Variants in KLHL20 observed in about 807,000 individuals in gnomAD.
KLHL20 encodes the protein kelch-like protein 20.
Under a neutral mutation model 69.5 loss-of-function variants are expected in KLHL20, and 29 were observed. The ratio of observed to expected loss-of-function variants is 0.42; its 90% confidence interval spans 0.31 to 0.57. The LOEUF is 0.57. Ranked by LOEUF, KLHL20 falls within the 20% of genes least tolerant of loss-of-function variation. The probability of loss-of-function intolerance (pLI) is 0.18; values close to 1 mark genes in which losing one functional copy is unlikely to be tolerated. For missense variants in KLHL20, 419 were observed against 776.0 expected (o/e 0.54, Z 5.47); for synonymous variants, 253 against 265.2 (o/e 0.95, Z 0.45).
intron 3 of KLHL20, chr1:173,734,620 A>G (rs1672440841): frequency 4.0e-6 from 1 of 251,072 alleles, no homozygotes; most frequent in African/African-American, 2.3e-5. Flanking sequence ...TTTATATAAG[A>G]TATTTCCTTC....
intron 10 of KLHL20, among the ~76,000 whole-genome samples, chr1:173,777,366 T>A (rs937632238): frequency 6.6e-6 from 1 of 152,224 alleles, no homozygotes; most frequent in Non-Finnish European, 1.5e-5. Context: ...AGAAGGATAA[T>A]TTGACTTCTT....
chr1:173,754,773 T>C (rs1468185030), intron 5 of KLHL20, among the ~76,000 whole-genome samples: 2 of 152,212 alleles, frequency 1.3e-5, no homozygotes, highest in African/African-American at 4.8e-5. Flanking sequence ...AAAGTACTTA[T>C]GAAGTCATAT....
chr1:173,776,169 A>G (rs1335999539), intron 10 of KLHL20, among the ~76,000 whole-genome samples: 2 of 152,010 alleles, frequency 1.3e-5, no homozygotes, highest in South Asian at 2.1e-4. Flanking sequence ...TTTCATTTCC[A>G]TTTCTCTAAT....
Position 173,767,053 on chromosome 1 carries a change from A to C in KLHL20, c.1295+764A>C, listed in dbSNP as rs940186511. On this transcript the variant is annotated intron_variant, in intron 8 of 11. Coordinates refer to ENST00000209884, the MANE Select transcript of KLHL20 (RefSeq NM_014458.4). ...TGTACTCATTTACCAAGATTTCCTC[A>C]CTGCCCCTCACCTTGCCAGCCCCTG... Among the ~76,000 whole-genome samples, 17 of 152,084 alleles carry C rather than the reference A, an allele frequency of 1.1e-4. 1 individual carries two copies. Among genetic ancestry groups the C allele is most frequent in the Admixed American group, 8.5e-4 (13 of 15,264 alleles).
intron 3 of KLHL20, among the ~76,000 whole-genome samples, chr1:173,746,476 A>G (rs1237176908): frequency 6.6e-6 from 1 of 152,124 alleles, no homozygotes; most frequent in African/African-American, 2.4e-5. Flanking sequence ...TCAGGCATCA[A>G]TTTGGGTAAA....
chr1:173,780,820 C>T (rs1648815335), intron 10 of KLHL20, among the ~76,000 whole-genome samples: 1 of 151,956 alleles, frequency 6.6e-6, no homozygotes, highest in Non-Finnish European at 1.5e-5. Flanking sequence ...ACCTCCACCT[C>T]CCGGGCTCAA....
At chr1:173,772,658 T>C (rs1648171346) in intron 8 of KLHL20, among the ~76,000 whole-genome samples, 2 of 152,180 alleles carry the variant, frequency 1.3e-5, no homozygotes, top group African/African-American at 4.8e-5. Flanking sequence ...ATTATCCCAA[T>C]AAAAGAAAAT....
intron 5 of KLHL20, 101 bp downstream of exon 5, chr1:173,753,408 C>A: frequency 1.2e-6 from 1 of 848,126 alleles, no homozygotes; most frequent in Non-Finnish European, 1.9e-6. Context: ...TTTTGCAGAG[C>A]TGAAACCAGG....
intron 3 of KLHL20, among the ~76,000 whole-genome samples, chr1:173,750,567 CCT>C (rs1189098706): frequency 6.6e-6 from 1 of 151,112 alleles, no homozygotes; most frequent in Admixed American, 6.6e-5. Flanking sequence ...CTTACTGCAA[CCT>C]CTGTCTCCCG....
At chr1:173,784,116 C>T (rs1649057244) in intron 11 of KLHL20, among the ~76,000 whole-genome samples, 1 of 152,048 alleles carries the variant, frequency 6.6e-6, no homozygotes, top group Non-Finnish European at 1.5e-5. Flanking sequence ...CCTTGCCCTG[C>T]TGGAGCTAAC....
chr1:173,727,118 G>T (rs1468755735), intron 2 of KLHL20, among the ~76,000 whole-genome samples: 1 of 151,806 alleles, frequency 6.6e-6, no homozygotes, highest in Non-Finnish European at 1.5e-5. Flanking sequence ...CTCAGTAGCT[G>T]ATTCAATCAA....
intron 8 of KLHL20, among the ~76,000 whole-genome samples, chr1:173,767,746 C>T (rs1647819944): frequency 6.6e-6 from 1 of 152,050 alleles, no homozygotes; most frequent in Non-Finnish European, 1.5e-5. Context: ...TGTTTTCTTG[C>T]TGTTGAATTG....
intron 2 of KLHL20, among the ~76,000 whole-genome samples, chr1:173,723,353 G>A (rs1338750324): frequency 1.3e-5 from 2 of 152,154 alleles, no homozygotes; most frequent in African/African-American, 2.4e-5. Flanking sequence ...TTATGTTTTA[G>A]TCTTTAAAAT....
At chr1:173,739,063 GA>G (rs1323226136) in intron 3 of KLHL20, among the ~76,000 whole-genome samples, 1 of 152,042 alleles carries the variant, frequency 6.6e-6, no homozygotes, top group Non-Finnish European at 1.5e-5. Context: ...GTGTCCATAG[GA>G]TTGGTACCAA....
intron 8 of KLHL20, among the ~76,000 whole-genome samples, chr1:173,767,464 A>G (rs1647804668): frequency 6.6e-6 from 1 of 152,140 alleles, no homozygotes; most frequent in South Asian, 2.1e-4. Context: ...GAACCTCCAT[A>G]CTGTTTTCCG....
intron 5 of KLHL20, among the ~76,000 whole-genome samples, chr1:173,755,034 G>A (rs1673478426): frequency 6.6e-6 from 1 of 151,194 alleles, no homozygotes; most frequent in Non-Finnish European, 1.5e-5. Context: ...GACCTAACAA[G>A]CTATTAGGAG....
At chr1:173,754,045 A>G (rs1673426550) in intron 5 of KLHL20, among the ~76,000 whole-genome samples, 1 of 149,432 alleles carries the variant, frequency 6.7e-6, no homozygotes, top group East Asian at 1.9e-4. Flanking sequence ...TGTAAACTAC[A>G]CTGACCTTTG....
chr1:173,770,115 A>C (rs978789011), intron 8 of KLHL20, among the ~76,000 whole-genome samples: 1 of 152,184 alleles, frequency 6.6e-6, no homozygotes, highest in Non-Finnish European at 1.5e-5. Flanking sequence ...AGAGAGAATA[A>C]GCAGCAGAAT....
chr1:173,766,375 T>A, intron 8 of KLHL20, 86 bp downstream of exon 8: 1 of 1,271,662 alleles, frequency 7.9e-7, no homozygotes, highest in Non-Finnish European at 1.1e-6. Context: ...TTGGGCGTGG[T>A]GGCTCACACC....
Sources: gnomAD v4.1 joint callset for allele counts (sites outside exome capture counted in the v4.1 genomes callset) on GRCh38, gnomAD v4.1.1 for gene constraint, MANE v1.5 for transcripts, NCBI Gene and HGNC (gene_info 2026-07-23, HGNC 2026-07-21) for gene names.